PRKCA: variants seen among roughly 807,000 people sequenced by gnomAD.
PRKCA encodes protein kinase C alpha.
PRKCA carries 27 observed loss-of-function variants against 87.0 expected under a neutral mutation model. The observed-to-expected ratio is 0.31, with a 90% CI of 0.23 to 0.43. The LOEUF is 0.43. Among genes scored for constraint, PRKCA ranks in the 20% least tolerant of loss-of-function variants. The pLI, the probability that PRKCA is intolerant of heterozygous loss-of-function variation, is 1.00. For synonymous variants in PRKCA, 329 were observed against 311.1 expected (o/e 1.06, Z -0.61); for missense variants, 518 against 852.3 (o/e 0.61, Z 4.88).
chr17:66,691,880 CTT>C (rs1223352976), intron 8 of PRKCA, among the ~76,000 whole-genome samples: 2 of 152,226 alleles, frequency 1.3e-5, no homozygotes, highest in Non-Finnish European at 2.9e-5. Context: ...TTGACCCACT[CTT>C]TGTGCTTCAT....
chr17:66,424,568 A>AACACACACACACACACAC (rs141074503), intron 2 of PRKCA, among the ~76,000 whole-genome samples: 1,623 of 141,996 alleles, frequency 0.011, 26 homozygotes, highest in African/African-American at 0.021. Flanking sequence ...CCCTGTCTCA[A>AACACACACACACACACAC]ACACACACAC....
intron 2 of PRKCA, among the ~76,000 whole-genome samples, chr17:66,479,090 C>G (rs745653886): frequency 2.9e-4 from 44 of 152,090 alleles, no homozygotes; most frequent in Non-Finnish European, 2.9e-5. Flanking sequence ...AAACAACCTA[C>G]AGAATGGGAG....
intron 2 of PRKCA, among the ~76,000 whole-genome samples, chr17:66,393,727 A>G (rs1170991517): frequency 1.3e-5 from 2 of 151,872 alleles, no homozygotes; most frequent in African/African-American, 4.8e-5. Flanking sequence ...AGGGGTGTCT[A>G]GCCCAGGCCT....
chr17:66,661,056 CTT>C (rs1971886881), intron 5 of PRKCA, among the ~76,000 whole-genome samples: 1 of 152,170 alleles, frequency 6.6e-6, no homozygotes, highest in African/African-American at 2.4e-5. Context: ...CCAAGATTCT[CTT>C]TCTGTATCTC....
Position 66,520,125 on chromosome 17 carries a change from ATT to A in PRKCA, c.288+23861_288+23862del, listed in dbSNP as rs35377147. 8.2e-3 allele frequency among the ~76,000 whole-genome samples: 1,092 copies of A among 133,900 alleles called. 15 individuals are homozygous for A. The highest frequency in any genetic ancestry group is 0.027 in the African/African-American group (952 of 35,012). 87.8% of individuals were successfully genotyped at this position (133,900 alleles called of 152,430 possible). ...CAGGTACATGCCATCCACACTAATA[ATT>A]TTTTTTTTTTTTTTTTTTAGACAGA... On this transcript the variant is annotated intron_variant, in intron 3 of 16. Coordinates refer to ENST00000413366, the MANE Select transcript of PRKCA (RefSeq NM_002737.3).
chr17:66,761,147 G>A (rs1437438473), intron 13 of PRKCA, among the ~76,000 whole-genome samples: 1 of 151,954 alleles, frequency 6.6e-6, no homozygotes, highest in Admixed American at 6.6e-5. Context: ...CGAGGTGGGC[G>A]GATCACAAGG....
chr17:66,630,624 C>A (rs1007886455), intron 3 of PRKCA, among the ~76,000 whole-genome samples: 2 of 152,216 alleles, frequency 1.3e-5, no homozygotes, highest in African/African-American at 4.8e-5. Context: ...TAGACAGGTG[C>A]TCCTTCTCTG....
chr17:66,440,013 A>G (rs1328153764), intron 2 of PRKCA, among the ~76,000 whole-genome samples: 2 of 152,204 alleles, frequency 1.3e-5, no homozygotes, highest in Non-Finnish European at 2.9e-5. Flanking sequence ...GTATTGTATT[A>G]ATATATTCAT....
At chr17:66,693,519 C>G (rs923616587) in intron 8 of PRKCA, among the ~76,000 whole-genome samples, 1 of 152,158 alleles carries the variant, frequency 6.6e-6, no homozygotes, top group African/African-American at 2.4e-5. Context: ...TATCATATCC[C>G]CTGTGCTGGC....
At chr17:66,733,687 G>C (rs1440183215) in intron 9 of PRKCA, among the ~76,000 whole-genome samples, 1 of 152,184 alleles carries the variant, frequency 6.6e-6, no homozygotes, top group Non-Finnish European at 1.5e-5. Context: ...AGCTACTCGG[G>C]AAGCTGAGGC....
At chr17:66,499,599 G>A (rs987929017) in intron 3 of PRKCA, among the ~76,000 whole-genome samples, 5 of 152,094 alleles carry the variant, frequency 3.3e-5, no homozygotes, top group African/African-American at 1.2e-4. Context: ...CCTACTCATA[G>A]GGCCTGGAGC....
chr17:66,611,193 C>T (rs1970353393), intron 3 of PRKCA, among the ~76,000 whole-genome samples: 1 of 152,114 alleles, frequency 6.6e-6, no homozygotes, highest in African/African-American at 2.4e-5. Flanking sequence ...TATCAAGATA[C>T]AATTCATGTA....
At chr17:66,566,502 T>TTTTATA (rs1968903655) in intron 3 of PRKCA, among the ~76,000 whole-genome samples, 1 of 136,546 alleles carries the variant, frequency 7.3e-6, no homozygotes, top group African/African-American at 2.6e-5. Context: ...TTTTTTTTTT[T>TTTTATA]GCAACAGCTT....
intron 3 of PRKCA, among the ~76,000 whole-genome samples, chr17:66,513,285 C>A (rs1426045128): frequency 1.3e-5 from 2 of 152,154 alleles, no homozygotes; most frequent in African/African-American, 4.8e-5. Context: ...AGGGAAATGT[C>A]CTAAGATCAA....
intron 13 of PRKCA, among the ~76,000 whole-genome samples, chr17:66,754,816 T>C (rs1263048433): frequency 6.6e-6 from 1 of 152,136 alleles, no homozygotes; most frequent in South Asian, 2.1e-4. Flanking sequence ...CATGAATTCT[T>C]AAGTCAAACT....
chr17:66,369,956 C>T (rs1038179983), intron 2 of PRKCA, among the ~76,000 whole-genome samples: 1 of 152,222 alleles, frequency 6.6e-6, no homozygotes, highest in Admixed American at 6.5e-5. Flanking sequence ...ATTTCTAGCT[C>T]AGTTGTCTTA....
intron 3 of PRKCA, among the ~76,000 whole-genome samples, chr17:66,629,025 G>A (rs777425758): frequency 7.2e-5 from 11 of 152,088 alleles, no homozygotes; most frequent in Non-Finnish European, 1.0e-4. Flanking sequence ...GTGAAACTCC[G>A]TCTCAAAAAC....
At chr17:66,315,630 C>T (rs568138149) in intron 2 of PRKCA, among the ~76,000 whole-genome samples, 1 of 152,226 alleles carries the variant, frequency 6.6e-6, no homozygotes, top group Non-Finnish European at 1.5e-5. Flanking sequence ...CAGGCATGTG[C>T]CATGATGCCC....
chr17:66,587,691 A>G (rs1036394651), intron 3 of PRKCA, among the ~76,000 whole-genome samples: 2 of 129,750 alleles, frequency 1.5e-5, no homozygotes, highest in Non-Finnish European at 3.3e-5. Flanking sequence ...ATGTGTGTGT[A>G]TATGTATACA....
Sources: allele counts gnomAD v4.1 joint callset (sites outside exome capture counted in the v4.1 genomes callset), GRCh38; gene constraint gnomAD v4.1.1; transcripts MANE v1.5; gene names NCBI Gene and HGNC (gene_info 2026-07-23, HGNC 2026-07-21).